TNFRSF13B: variants seen among roughly 807,000 people sequenced by gnomAD.
The protein encoded by TNFRSF13B is TNF receptor superfamily member 13B.
Under a neutral mutation model 24.0 loss-of-function variants are expected in TNFRSF13B, and 34 were observed. The observed-to-expected ratio is 1.41, with a 90% CI of 1.08 to 1.88. TNFRSF13B has a LOEUF of 1.88. Ranked by LOEUF, TNFRSF13B falls within the 40% of genes most tolerant of loss-of-function variation. The probability of loss-of-function intolerance (pLI) is 0.00; values close to 1 mark genes in which losing one functional copy is unlikely to be tolerated. For synonymous variants in TNFRSF13B, 173 were observed against 150.3 expected (o/e 1.15, Z -1.10); for missense variants, 415 against 380.8 (o/e 1.09, Z -0.75).
intron 3 of TNFRSF13B, among the ~76,000 whole-genome samples, chr17:16,942,715 C>T (rs1381063942): frequency 1.3e-5 from 2 of 152,174 alleles, no homozygotes; most frequent in Non-Finnish European, 2.9e-5. Context: ...CGGAAATGAA[C>T]GGCGTTGATT....
chr17:16,945,914 C>G (rs1422012526), intron 3 of TNFRSF13B, among the ~76,000 whole-genome samples: 2 of 152,172 alleles, frequency 1.3e-5, no homozygotes, highest in East Asian at 3.8e-4. Context: ...GTGTAAGTTA[C>G]CAGCCTAGGT....
chr17:16,969,454 A>G (rs921312901), intron 1 of TNFRSF13B, among the ~76,000 whole-genome samples: 3 of 152,246 alleles, frequency 2.0e-5, no homozygotes, highest in Admixed American at 6.5e-5. Context: ...GCTAGTCACA[A>G]TACATCACAT....
rs745925364 is a variant in TNFRSF13B, at chr17:16,939,661, A to C, written c.768T>G (p.Ala256=). ...TCCTGGTGTGGCACCCCCACCTTCCAGCACAAGTGGGGTCGGGGGTCCCAG... is the reference window on the plus strand; with the variant it reads ...TCCTGGTGTGGCACCCCCACCTTCCCGCACAAGTGGGGTCGGGGGTCCCAG... The part of the protein sequence containing the change: ...VTPGTPDPTC[A]GRWGCHTRTT... The change falls in exon 5 of 5, where the codon GCT becomes GCG. Residue 256 remains alanine (A), a synonymous_variant. Transcript: ENST00000261652. The C allele has an allele frequency of 6.2e-7, 1 of 1,612,200 alleles. No individual in the cohort carries two copies. Among genetic ancestry groups the C allele is most frequent in the Non-Finnish European group, 8.5e-7 (1 of 1,178,682 alleles).
chr17:16,946,582 TTA>T lies in TNFRSF13B; in HGVS notation c.445+2154_445+2155del, dbSNP rs201454541. On this transcript the variant is annotated intron_variant, in intron 3 of 4. Coordinates refer to ENST00000261652, the MANE Select transcript of TNFRSF13B (RefSeq NM_012452.3). ...TTATTATTTTTATTTTTATTTTTAT[TTA>T]TTTATTTATTTATTTTTTTTTGAGA... Among the ~76,000 whole-genome samples, 355 of 144,450 alleles carry T rather than the reference TTA, an allele frequency of 2.5e-3. 2 individuals are homozygous for T. Among genetic ancestry groups the T allele is most frequent in the East Asian group, 0.016 (63 of 3,910 alleles). The allele number at this position is 144,450 out of a possible 152,430, so 94.8% of individuals were successfully genotyped here.
intron 1 of TNFRSF13B, among the ~76,000 whole-genome samples, chr17:16,967,458 A>C (rs2087709677): frequency 6.6e-6 from 1 of 152,088 alleles, no homozygotes; most frequent in Non-Finnish European, 1.5e-5. Flanking sequence ...AAATTGTGTT[A>C]AAAATAAGAA....
intron 2 of TNFRSF13B, among the ~76,000 whole-genome samples, chr17:16,949,844 C>A (rs149618440): frequency 0.036 from 5,523 of 152,092 alleles, 124 homozygotes; most frequent in South Asian, 0.1. Flanking sequence ...CACCACAACA[C>A]CCGGCTAATT....
rs958257344 is a variant in TNFRSF13B, at chr17:16,940,061, G to A, written c.632-264C>T. 1.9e-5 allele frequency: 20 copies of A among 1,051,568 alleles called. No homozygotes were observed. In the East Asian group the frequency reaches 5.2e-4, roughly 28 times the overall value. The allele number at this position is 1,051,568 out of a possible 1,614,324, so 65.1% of individuals were successfully genotyped here. On this transcript the variant is annotated intron_variant, in intron 4 of 4. Coordinates refer to ENST00000261652, the MANE Select transcript of TNFRSF13B (RefSeq NM_012452.3). ...AAGGGGACACCTCCTCCTGGGCTTA[G>A]CCCTGAAGGCTCTGCATCTGGAGAA...
intron 3 of TNFRSF13B, among the ~76,000 whole-genome samples, chr17:16,943,737 C>T (rs2087527573): frequency 6.6e-6 from 1 of 152,322 alleles, no homozygotes; most frequent in Middle Eastern, 3.4e-3. Flanking sequence ...TTGCTCTTCC[C>T]AACTCAGTCC....
At chr17:16,954,881 G>A (rs1339160181) in intron 1 of TNFRSF13B, among the ~76,000 whole-genome samples, 1 of 152,198 alleles carries the variant, frequency 6.6e-6, no homozygotes, top group Non-Finnish European at 1.5e-5. Flanking sequence ...TGGCAACAGG[G>A]GAATTGTGAT....
chr17:16,940,538 T>A (rs766956648), intron 3 of TNFRSF13B, 27 bp from the exon 4 acceptor site: 1 of 1,608,496 alleles, frequency 6.2e-7, no homozygotes, highest in Non-Finnish European at 8.5e-7. Context: ...GACCCCTCTC[T>A]GCAGTGCCTT....
At chr17:16,948,364 A>G (rs1033297457) in intron 3 of TNFRSF13B, among the ~76,000 whole-genome samples, 3 of 152,232 alleles carry the variant, frequency 2.0e-5, no homozygotes, top group African/African-American at 7.2e-5. Context: ...TATAAATAAA[A>G]TAATAATAGA....
chr17:16,960,964 A>G (rs1336962161), intron 1 of TNFRSF13B, among the ~76,000 whole-genome samples: 2 of 152,246 alleles, frequency 1.3e-5, no homozygotes, highest in Non-Finnish European at 2.9e-5. Flanking sequence ...CATTTCTCCA[A>G]ATAAAACATT....
At chr17:16,944,955 C>T (rs1472925354) in intron 3 of TNFRSF13B, among the ~76,000 whole-genome samples, 6 of 152,120 alleles carry the variant, frequency 3.9e-5, no homozygotes, top group African/African-American at 1.4e-4. Context: ...CCTCTGGGTC[C>T]CTCCCCTGGC....
intron 2 of TNFRSF13B, 98 bp downstream of exon 2, chr17:16,952,348 C>T (rs944687584): frequency 5.1e-5 from 81 of 1,574,964 alleles, no homozygotes; most frequent in Admixed American, 1.2e-4. Context: ...CTCCTGCCAC[C>T]CTTTCCTCAG....
chr17:16,967,092 G>A (rs529988910), intron 1 of TNFRSF13B, among the ~76,000 whole-genome samples: 4 of 152,040 alleles, frequency 2.6e-5, no homozygotes, highest in Non-Finnish European at 4.4e-5. Context: ...GCCCACCTCA[G>A]ACTTTCAAAG....
chr17:16,949,978 C>T (rs1357350273), intron 2 of TNFRSF13B, among the ~76,000 whole-genome samples: 2 of 152,212 alleles, frequency 1.3e-5, no homozygotes, highest in Non-Finnish European at 2.9e-5. Flanking sequence ...CATGAACCAC[C>T]GCATCTGGTC....
At chr17:16,943,140 C>T (rs1046053953) in intron 3 of TNFRSF13B, among the ~76,000 whole-genome samples, 5 of 152,228 alleles carry the variant, frequency 3.3e-5, no homozygotes, top group Non-Finnish European at 7.3e-5. Flanking sequence ...CAAGCAAGAG[C>T]AGCAGAAGAC....
chr17:16,959,427 A>G (rs1325909401), intron 1 of TNFRSF13B, among the ~76,000 whole-genome samples: 4 of 148,710 alleles, frequency 2.7e-5, no homozygotes, highest in Non-Finnish European at 6.0e-5. Context: ...TTGAGGAAAT[A>G]AAAATAGAAC....
At chr17:16,949,090 C>T in intron 2 of TNFRSF13B, 107 bp from the exon 3 acceptor site, 5 of 1,486,122 alleles carry the variant, frequency 3.4e-6, no homozygotes, top group Non-Finnish European at 4.6e-6. Flanking sequence ...AGTAAAATTC[C>T]AGAAGGCAAT....
Sources: allele counts gnomAD v4.1 joint callset (sites outside exome capture counted in the v4.1 genomes callset), GRCh38; gene constraint gnomAD v4.1.1; transcripts MANE v1.5; gene names NCBI Gene and HGNC (gene_info 2026-07-23, HGNC 2026-07-21).